Variants in CRB1 observed in about 807,000 individuals in gnomAD.
CRB1 encodes crumbs cell polarity complex component 1, also known as protein crumbs homolog 1.
A neutral mutation model predicts 120.0 loss-of-function variants in CRB1; 83 were observed. That is an observed-to-expected ratio of 0.69 (90% CI 0.58 to 0.83). The LOEUF (loss-of-function observed/expected upper bound fraction) is 0.83, where lower values mean the gene tolerates loss of function less well. CRB1 is among the 40% of genes least tolerant of loss of function. CRB1 has a pLI of 0.00. For missense variants in CRB1, 1,699 were observed against 1,687.6 expected (o/e 1.01, Z -0.12); for synonymous variants, 625 against 612.5 (o/e 1.02, Z -0.30).
Position 197,450,103 on chromosome 1 carries a change from T to C in CRB1, c.4005+7811T>C, listed in dbSNP as rs190702512. 1.7e-3 allele frequency among the ~76,000 whole-genome samples: 263 copies of C among 152,304 alleles called. 4 individuals carry two copies. The highest frequency in any genetic ancestry group is 0.015 in the Admixed American group (222 of 15,308). Reference sequence around the variant, plus strand: ...CATACAGGTCGATGCATACTTTTGGTTATTATCTGAGTGCCCTCAGATTGT... The same window carrying C: ...CATACAGGTCGATGCATACTTTTGGCTATTATCTGAGTGCCCTCAGATTGT... On this transcript the variant is annotated intron_variant, in intron 11 of 11. Coordinates refer to ENST00000367400, the MANE Select transcript of CRB1 (RefSeq NM_201253.3).
chr1:197,383,075 T>A (rs893878095), intron 5 of CRB1, among the ~76,000 whole-genome samples: 10 of 152,142 alleles, frequency 6.6e-5, no homozygotes, highest in African/African-American at 2.2e-4. Context: ...GGACTTCTGT[T>A]CGAGAATCAC....
At chr1:197,345,753 C>T (rs192044634) in intron 3 of CRB1, among the ~76,000 whole-genome samples, 56 of 152,230 alleles carry the variant, frequency 3.7e-4, no homozygotes, top group African/African-American at 1.3e-3. Context: ...GGTGATCTAC[C>T]TGCCTCTGCC....
intron 5 of CRB1, chr1:197,357,292 TACAC>T (rs1156923254): frequency 6.3e-6 from 3 of 475,054 alleles, no homozygotes; most frequent in Admixed American, 7.0e-5. Context: ...TTCTTTACGT[TACAC>T]ACAGAAAATG....
At position 197,294,052 on chromosome 1, in the gene CRB1, A is replaced by G. The variant is rs146134982; in HGVS notation, c.70+25570A>G. ...CAAAAGCAATGGCAACAAAAGCCAA[A>G]ATTGACAAATGGGATCTAATTCAAC... On this transcript the variant is annotated intron_variant, in intron 1 of 11. Coordinates refer to ENST00000367400, the MANE Select transcript of CRB1 (RefSeq NM_201253.3). 5.7e-3 allele frequency among the ~76,000 whole-genome samples: 862 copies of G among 152,314 alleles called. 8 individuals are homozygous for G. Among genetic ancestry groups the G allele is most frequent in the African/African-American group, 0.017 (711 of 41,586 alleles).
chr1:197,403,077 T>C (rs1416034694), intron 5 of CRB1, among the ~76,000 whole-genome samples: 2 of 152,224 alleles, frequency 1.3e-5, no homozygotes, highest in Non-Finnish European at 2.9e-5. Context: ...TATTCTAAAA[T>C]GTTCTTGATG....
the CRB1 span, among the ~76,000 whole-genome samples, chr1:197,220,830 T>G: frequency 6.6e-6 from 1 of 152,182 alleles, no homozygotes; most frequent in Admixed American, 6.5e-5. Flanking sequence ...TGCTCTGCCA[T>G]GTAAGACGTG....
chr1:197,214,473 G>A, the CRB1 span, among the ~76,000 whole-genome samples: 789 of 152,252 alleles, frequency 5.2e-3, 8 homozygotes, highest in African/African-American at 0.018. Context: ...ACTTGAGTAT[G>A]TGTGGATTTT....
At chr1:197,240,266 C>A in the CRB1 span, among the ~76,000 whole-genome samples, 86 of 151,984 alleles carry the variant, frequency 5.7e-4, no homozygotes, top group Non-Finnish European at 2.2e-4. Flanking sequence ...ATGTGCAGAA[C>A]GTGCAGGTTT....
intron 5 of CRB1, among the ~76,000 whole-genome samples, chr1:197,375,101 TTCAGGATC>T (rs1440182803): frequency 6.6e-6 from 1 of 152,164 alleles, no homozygotes. Context: ...ACATGTCTCT[TTCAGGATC>T]TCATCTTTGT....
intron 8 of CRB1, among the ~76,000 whole-genome samples, chr1:197,433,838 G>T (rs570266254): frequency 4.6e-5 from 7 of 152,060 alleles, no homozygotes; most frequent in African/African-American, 1.7e-4. Flanking sequence ...CAGACAATAC[G>T]TCTATTATAG....
At chr1:197,461,622 TA>T (rs1267943318) in intron 11 of CRB1, among the ~76,000 whole-genome samples, 1 of 152,168 alleles carries the variant, frequency 6.6e-6, no homozygotes, top group Non-Finnish European at 1.5e-5. Flanking sequence ...AATTTCCTTT[TA>T]AAGACCTGTC....
chr1:197,341,728 C>G (rs911011599), intron 2 of CRB1, among the ~76,000 whole-genome samples: 1 of 152,118 alleles, frequency 6.6e-6, no homozygotes, highest in Admixed American at 6.5e-5. Context: ...CCCAATGCAC[C>G]TTTAATCCCA....
At chr1:197,357,268 G>A in intron 5 of CRB1, 2 of 537,662 alleles carry the variant, frequency 3.7e-6, no homozygotes, top group Non-Finnish European at 6.7e-6. Flanking sequence ...CTGGGAACTG[G>A]AGTGCATCTC....
the CRB1 span, among the ~76,000 whole-genome samples, chr1:197,247,893 C>T: frequency 2.0e-5 from 3 of 151,998 alleles, no homozygotes; most frequent in African/African-American, 7.2e-5. Context: ...CACCTTAAAT[C>T]ATCTAATTGA....
intron 5 of CRB1, among the ~76,000 whole-genome samples, chr1:197,359,304 G>A (rs1198041610): frequency 6.6e-6 from 1 of 151,018 alleles, no homozygotes; most frequent in Non-Finnish European, 1.5e-5. Flanking sequence ...TTCCAAGAAT[G>A]TTATATAAAT....
chr1:197,276,422 C>T (rs536222889), intron 1 of CRB1, among the ~76,000 whole-genome samples: 9 of 151,348 alleles, frequency 5.9e-5, no homozygotes, highest in Non-Finnish European at 8.9e-5. Context: ...TATTGAGGGC[C>T]GTAAATCTAT....
chr1:197,437,782 T>C (rs1167455226), intron 9 of CRB1, among the ~76,000 whole-genome samples: 1 of 152,092 alleles, frequency 6.6e-6, no homozygotes, highest in Non-Finnish European at 1.5e-5. Flanking sequence ...TCCTGAATAT[T>C]TATTAGTTAT....
At chr1:197,366,910 A>T (rs1313392989) in intron 5 of CRB1, among the ~76,000 whole-genome samples, 1 of 152,170 alleles carries the variant, frequency 6.6e-6, no homozygotes, top group Non-Finnish European at 1.5e-5. Context: ...AATTCTCCAA[A>T]ATCATTTCAA....
intron 1 of CRB1, among the ~76,000 whole-genome samples, chr1:197,285,215 G>C (rs1230840200): frequency 1.3e-5 from 2 of 152,006 alleles, no homozygotes; most frequent in African/African-American, 4.8e-5. Flanking sequence ...GTTTGTCCAA[G>C]AGCACGGCTT....
Sources: allele counts gnomAD v4.1 joint callset (sites outside exome capture counted in the v4.1 genomes callset), GRCh38; gene constraint gnomAD v4.1.1; transcripts MANE v1.5; gene names NCBI Gene and HGNC (gene_info 2026-07-23, HGNC 2026-07-21).